Variants in PLB1 observed in about 807,000 individuals in gnomAD.
PLB1 encodes the protein phospholipase B1, membrane-associated.
PLB1 carries 242 observed loss-of-function variants against 227.4 expected under a neutral mutation model. That is an observed-to-expected ratio of 1.06 (90% CI 0.96 to 1.18). The LOEUF (loss-of-function observed/expected upper bound fraction) is 1.18. PLB1 is among the 50% of genes most tolerant of loss of function. The pLI, the probability that PLB1 is intolerant of heterozygous loss-of-function variation, is 0.00. For synonymous variants in PLB1, 757 were observed against 682.2 expected (o/e 1.11, Z -1.71); for missense variants, 1,858 against 1,816.3 (o/e 1.02, Z -0.42).
chr2:28,643,422 T>C lies in PLB1; in HGVS notation c.*361T>C. The stretch of plus-strand genomic sequence containing the variant: ...CTGCCACCACGAGCATATCCTCAAG[T>C]CACCAAACCCACTATTTCAAAGGCA... On this transcript the variant is annotated 3_prime_UTR_variant, in exon 58 of 58. Coordinates refer to ENST00000327757, the MANE Select transcript of PLB1 (RefSeq NM_153021.5). 5.2e-6 allele frequency: 1 copy of C among 194,096 alleles called. No homozygotes were observed. The highest frequency in any genetic ancestry group is 1.0e-5 in the Non-Finnish European group (1 of 95,820). The allele number at this position is 194,096 out of a possible 1,614,324, so 12.0% of individuals were successfully genotyped here.
chr2:28,535,886 C>T (rs1671617039), intron 9 of PLB1, among the ~76,000 whole-genome samples: 1 of 152,080 alleles, frequency 6.6e-6, no homozygotes, highest in African/African-American at 2.4e-5. Context: ...TGCCACTGCA[C>T]TCTAGCCTGA....
chr2:28,606,763 T>C (rs1030791510), intron 43 of PLB1, among the ~76,000 whole-genome samples, 196 bp downstream of exon 43: 3 of 151,938 alleles, frequency 2.0e-5, no homozygotes, highest in African/African-American at 7.3e-5. Flanking sequence ...GCAGCTGTCA[T>C]TGGGAACAGG....
At chr2:28,522,624 T>C (rs1669670670) in intron 4 of PLB1, among the ~76,000 whole-genome samples, 1 of 152,132 alleles carries the variant, frequency 6.6e-6, no homozygotes, top group African/African-American at 2.4e-5. Flanking sequence ...TCTCTAACTT[T>C]AAGCCCGTCA....
At chr2:28,625,314 G>A (rs1044523275) in intron 50 of PLB1, among the ~76,000 whole-genome samples, 23 of 152,204 alleles carry the variant, frequency 1.5e-4, no homozygotes, top group Admixed American at 7.2e-4. Context: ...CCCCAGGGCC[G>A]GCTGCGGGAG....
At chr2:28,624,976 C>G in intron 49 of PLB1, 81 bp from the exon 50 acceptor site, 1 of 1,337,162 alleles carries the variant, frequency 7.5e-7, no homozygotes, top group South Asian at 1.2e-5. Flanking sequence ...TGAAACACCT[C>G]TCTTCCTAGG....
chr2:28,633,120 C>G, intron 56 of PLB1, 81 bp downstream of exon 56: 1 of 1,211,416 alleles, frequency 8.3e-7, no homozygotes, highest in Non-Finnish European at 1.2e-6. Context: ...GGCAAAACTA[C>G]TGGAGACATG....
At chr2:28,610,751 C>T (rs1685328073) in intron 43 of PLB1, among the ~76,000 whole-genome samples, 1 of 152,176 alleles carries the variant, frequency 6.6e-6, no homozygotes, top group Non-Finnish European at 1.5e-5. Context: ...TGTTGATGGC[C>T]TTGTCCCACA....
intron 55 of PLB1, 83 bp from the exon 56 acceptor site, chr2:28,632,861 C>G: frequency 1.0e-6 from 1 of 969,108 alleles, no homozygotes; most frequent in South Asian, 1.4e-5. Context: ...GAGACATGCC[C>G]AGGGCACCTG....
intron 14 of PLB1, chr2:28,548,488 A>G (rs754301979): frequency 1.6e-4 from 73 of 463,146 alleles, no homozygotes; most frequent in Non-Finnish European, 2.6e-4. Flanking sequence ...CAGGACACCA[A>G]TGTTGGAGTC....
At chr2:28,601,859 T>A in intron 37 of PLB1, 40 bp from the exon 38 acceptor site, 5 of 1,500,296 alleles carry the variant, frequency 3.3e-6, no homozygotes, top group Non-Finnish European at 4.6e-6. Context: ...CCTCCCACCC[T>A]AACCAGTTCC....
In PLB1 at chr2:28,582,142, G is replaced by A; in HGVS notation, c.1632+9G>A. 6.2e-7 allele frequency: 1 copy of A among 1,612,754 alleles called. No individual in the cohort carries two copies. Among genetic ancestry groups the A allele is most frequent in the South Asian group, 1.1e-5 (1 of 91,048 alleles). ...ACATCCTCCATGCTGAGGTACGGAG[G>A]CTAGGCCATGAGGCCTGCATCTTAG... On this transcript the variant is annotated intron_variant, in intron 24 of 57. Coordinates refer to ENST00000327757, the MANE Select transcript of PLB1 (RefSeq NM_153021.5).
At chr2:28,631,671 G>C (rs192323726) in intron 54 of PLB1, among the ~76,000 whole-genome samples, 145 of 152,280 alleles carry the variant, frequency 9.5e-4, no homozygotes, top group Non-Finnish European at 1.6e-3. Context: ...TGACCTCTTC[G>C]TGCAGTGAGA....
chr2:28,552,468 G>C (rs774739297), intron 16 of PLB1, among the ~76,000 whole-genome samples: 6 of 152,228 alleles, frequency 3.9e-5, no homozygotes, highest in Non-Finnish European at 7.3e-5. Context: ...ACAAATACTT[G>C]TTGAGCATCT....
intron 33 of PLB1, among the ~76,000 whole-genome samples, chr2:28,597,704 G>A (rs1277808235): frequency 6.6e-6 from 1 of 152,202 alleles, no homozygotes; most frequent in African/African-American, 2.4e-5. Context: ...GTTGGGAGAT[G>A]TGAAATCACA....
intron 12 of PLB1, among the ~76,000 whole-genome samples, chr2:28,540,989 A>C (rs113406018): frequency 0.15 from 22,351 of 152,012 alleles, 2,060 homozygotes; most frequent in East Asian, 0.37. Flanking sequence ...TGGGCAACAT[A>C]GTGAAACCTC....
intron 6 of PLB1, among the ~76,000 whole-genome samples, chr2:28,526,761 T>A (rs1328600170): frequency 1.3e-5 from 2 of 152,196 alleles, no homozygotes; most frequent in Non-Finnish European, 2.9e-5. Context: ...AATGAACAAG[T>A]GAGGCAGCTA....
In PLB1 at chr2:28,603,986, T is replaced by G; in HGVS notation, c.2795T>G (p.Leu932Arg). The G allele has an allele frequency of 1.2e-6, 2 of 1,614,262 alleles. No homozygotes were observed. The highest frequency in any genetic ancestry group is 2.2e-5 in the South Asian group (2 of 91,092). Residue 932 changes from leucine to arginine, a missense_variant, in exon 40 of 58, where the codon CTG becomes CGG. By Grantham distance (102) the Leu-to-Arg change is moderately radical. Transcript: ENST00000327757. ...TGCAGCGTTTTGTGTAACTGCGTTCTGACCCTGCGGGAGAACTCCCAAGAG... is the reference window on the plus strand; with the variant it reads ...TGCAGCGTTTTGTGTAACTGCGTTCGGACCCTGCGGGAGAACTCCCAAGAG... ...QQASVLCNCV[L>R]TLRENSQELA...
chr2:28,524,045 G>A (rs1034144627), intron 4 of PLB1, among the ~76,000 whole-genome samples: 53 of 152,220 alleles, frequency 3.5e-4, no homozygotes, highest in Admixed American at 5.9e-4. Flanking sequence ...TCCAATTAGT[G>A]AGATTTCCCA....
At chr2:28,607,990 G>A (rs72850460) in intron 43 of PLB1, among the ~76,000 whole-genome samples, 2,989 of 152,192 alleles carry the variant, frequency 0.02, 95 homozygotes, top group African/African-American at 0.069. Context: ...CCTGGGCTTC[G>A]AGGCAACCAC....
Sources: gnomAD v4.1 joint callset for allele counts (sites outside exome capture counted in the v4.1 genomes callset) on GRCh38, gnomAD v4.1.1 for gene constraint, MANE v1.5 for transcripts, NCBI Gene and HGNC (gene_info 2026-07-23, HGNC 2026-07-21) for gene names.